Variants in FAM227B observed in about 807,000 individuals in gnomAD.
FAM227B encodes protein FAM227B.
A neutral mutation model predicts 73.8 loss-of-function variants in FAM227B; 88 were observed. The ratio of observed to expected loss-of-function variants is 1.19; its 90% CI spans 1.00 to 1.42. FAM227B has a LOEUF of 1.42. Ranked by LOEUF, FAM227B falls within the 40% of genes most tolerant of loss-of-function variation. The pLI, the probability that FAM227B is intolerant of heterozygous loss-of-function variation, is 0.00. For synonymous variants in FAM227B, 210 were observed against 190.5 expected (o/e 1.10, Z -0.84); for missense variants, 632 against 590.9 (o/e 1.07, Z -0.72).
At chr15:49,439,206 C>G (rs1260191483) in intron 11 of FAM227B, among the ~76,000 whole-genome samples, 1 of 151,448 alleles carries the variant, frequency 6.6e-6, no homozygotes, top group Non-Finnish European at 1.5e-5. Flanking sequence ...ATGTGGGCCT[C>G]TCGACAGGCT....
At chr15:49,588,600 T>C (rs1170155766) in intron 4 of FAM227B, among the ~76,000 whole-genome samples, 1 of 104,680 alleles carries the variant, frequency 9.6e-6, no homozygotes, top group African/African-American at 3.5e-5. Context: ...TATATATATA[T>C]AAAATTACCT....
Position 49,435,682 on chromosome 15 carries a change from T to C in FAM227B, c.1013-64283A>G, listed in dbSNP as rs192212440. Reference sequence around the variant, plus strand: ...AAGATGGCCAGATATTGAATAATAATAGATACCCCAAAGAAGATGAGCATA... The same window carrying C: ...AAGATGGCCAGATATTGAATAATAACAGATACCCCAAAGAAGATGAGCATA... On this transcript the variant is annotated intron_variant, in intron 11 of 15. Coordinates refer to ENST00000299338, the MANE Select transcript of FAM227B (RefSeq NM_152647.3). 1.9e-3 allele frequency among the ~76,000 whole-genome samples: 285 copies of C among 151,674 alleles called. 2 individuals are homozygous for C. The highest frequency in any genetic ancestry group is 0.014 in the Middle Eastern group (4 of 294).
At chr15:49,394,624 T>C (rs1182036942) in intron 11 of FAM227B, among the ~76,000 whole-genome samples, 1 of 152,174 alleles carries the variant, frequency 6.6e-6, no homozygotes, top group Non-Finnish European at 1.5e-5. Flanking sequence ...GTGTGGAGAA[T>C]TATCTTTAAT....
At chr15:49,374,638 G>A (rs991236527) in intron 11 of FAM227B, among the ~76,000 whole-genome samples, 1 of 152,158 alleles carries the variant, frequency 6.6e-6, no homozygotes, top group African/African-American at 2.4e-5. Context: ...CCGCCTCCCA[G>A]GTTCAAGCGA....
intron 10 of FAM227B, among the ~76,000 whole-genome samples, chr15:49,519,240 T>C (rs1168937658): frequency 1.3e-5 from 2 of 152,140 alleles, no homozygotes; most frequent in Non-Finnish European, 2.9e-5. Context: ...GCTGCTTTCA[T>C]GGGTTGGCAT....
chr15:49,488,287 C>T (rs1401627623), intron 11 of FAM227B: 1 of 151,986 alleles, frequency 6.6e-6, no homozygotes, highest in Non-Finnish European at 1.5e-5. Context: ...CTTTATTCCA[C>T]TTCTGTACAG....
At chr15:49,511,062 A>G (rs1014374459) in intron 10 of FAM227B, among the ~76,000 whole-genome samples, 2 of 151,890 alleles carry the variant, frequency 1.3e-5, no homozygotes, top group African/African-American at 2.4e-5. Context: ...GCACTAGATA[A>G]CCTCTTTCAA....
chr15:49,508,459 A>C, intron 10 of FAM227B, 111 bp from the exon 11 acceptor site: 1 of 1,019,668 alleles, frequency 9.8e-7, no homozygotes. Flanking sequence ...ACAACAAAAA[A>C]GTTCCTTTTT....
intron 11 of FAM227B, among the ~76,000 whole-genome samples, chr15:49,420,552 C>A (rs923773816): frequency 6.6e-6 from 1 of 151,940 alleles, no homozygotes; most frequent in African/African-American, 2.4e-5. Context: ...AAAAGATACA[C>A]AAGAAACTAA....
At chr15:49,413,746 C>T (rs1372976190) in intron 11 of FAM227B, among the ~76,000 whole-genome samples, 2 of 151,852 alleles carry the variant, frequency 1.3e-5, no homozygotes, top group Non-Finnish European at 2.9e-5. Flanking sequence ...ACATTGGTCT[C>T]GTGTTGCCCA....
intron 11 of FAM227B, among the ~76,000 whole-genome samples, chr15:49,443,025 T>G (rs572916643): frequency 6.6e-6 from 1 of 151,854 alleles, no homozygotes. Context: ...TCCTGGCACA[T>G]ATTAAGTGTT....
At chr15:49,442,304 T>A (rs2051733601) in intron 11 of FAM227B, among the ~76,000 whole-genome samples, 1 of 151,702 alleles carries the variant, frequency 6.6e-6, no homozygotes. Flanking sequence ...CTTCTCAGTA[T>A]CTACCCATTC....
chr15:49,511,209 G>A (rs2058972072), intron 10 of FAM227B, among the ~76,000 whole-genome samples: 1 of 151,942 alleles, frequency 6.6e-6, no homozygotes, highest in South Asian at 2.1e-4. Flanking sequence ...GCTTCTGAAG[G>A]GTTAGTTTCT....
Position 49,452,849 on chromosome 15 carries a change from A to G in FAM227B, c.1012+55362T>C, listed in dbSNP as rs1192003852. Among the ~76,000 whole-genome samples, 3 of 152,184 alleles carry G rather than the reference A, an allele frequency of 2.0e-5. No homozygotes were observed. In the East Asian group the frequency reaches 5.8e-4, roughly 29 times the overall value. ...GCACTCAGCAAACGTTAGCTGTTAT[A>G]TGCCTTGCTTACTATGGTATAAACA... On this transcript the variant is annotated intron_variant, in intron 11 of 15. Transcript: ENST00000299338.
At chr15:49,547,786 T>C (rs2072163892) in intron 9 of FAM227B, among the ~76,000 whole-genome samples, 2 of 152,164 alleles carry the variant, frequency 1.3e-5, no homozygotes. Context: ...AATCCTAAAC[T>C]TATATGCATC....
intron 8 of FAM227B, among the ~76,000 whole-genome samples, chr15:49,573,081 G>A (rs754034259): frequency 3.3e-5 from 5 of 149,894 alleles, no homozygotes; most frequent in Non-Finnish European, 5.9e-5. Flanking sequence ...TTAATTCTAT[G>A]ATTTTCTCTC....
intron 11 of FAM227B, among the ~76,000 whole-genome samples, chr15:49,465,640 CT>C (rs2054204997): frequency 6.6e-6 from 1 of 152,040 alleles, no homozygotes; most frequent in Non-Finnish European, 1.5e-5. Context: ...TTGGGGTTCT[CT>C]CAACTTTTTT....
At chr15:49,588,159 A>G (rs968088855) in intron 4 of FAM227B, 76 bp from the exon 5 acceptor site, 37 of 864,476 alleles carry the variant, frequency 4.3e-5, no homozygotes, top group Non-Finnish European at 5.5e-5. Context: ...AATTTTAAAT[A>G]CTTTAAACAA....
At chr15:49,485,639 A>G (rs1292878664) in intron 11 of FAM227B, 1 of 152,504 alleles carries the variant, frequency 6.6e-6, no homozygotes, top group African/African-American at 2.4e-5. Context: ...CAAAAATAAG[A>G]GCCTGAAGCA....
Sources: allele counts gnomAD v4.1 joint callset (sites outside exome capture counted in the v4.1 genomes callset), GRCh38; gene constraint gnomAD v4.1.1; transcripts MANE v1.5; gene names NCBI Gene and HGNC (gene_info 2026-07-23, HGNC 2026-07-21).